PDZD2: variants seen among roughly 807,000 people sequenced by gnomAD.
The protein encoded by PDZD2 is PDZ domain-containing protein 2.
Under a neutral mutation model 220.7 loss-of-function variants are expected in PDZD2, and 90 were observed. The observed-to-expected ratio is 0.41, with a 90% CI of 0.34 to 0.49. PDZD2 has a LOEUF of 0.49. Among genes scored for constraint, PDZD2 ranks in the 20% least tolerant of loss-of-function variants. PDZD2 has a pLI of 0.28. For missense variants in PDZD2, 3,174 were observed against 3,608.5 expected (o/e 0.88, Z 3.08); for synonymous variants, 1,375 against 1,450.5 (o/e 0.95, Z 1.18).
At chr5:31,866,038 G>C (rs1017497238) in intron 2 of PDZD2, among the ~76,000 whole-genome samples, 10 of 148,918 alleles carry the variant, frequency 6.7e-5, no homozygotes, top group Admixed American at 2.0e-4. Context: ...GGGTCTCACT[G>C]TTGCCCAGGC....
intron 2 of PDZD2, among the ~76,000 whole-genome samples, chr5:31,870,203 A>G (rs552720378): frequency 1.2e-4 from 18 of 152,250 alleles, no homozygotes; most frequent in African/African-American, 4.3e-4. Flanking sequence ...GCTGAGGGAA[A>G]AGGGCATTTG....
intron 1 of PDZD2, among the ~76,000 whole-genome samples, chr5:31,771,902 A>G (rs1438996293): frequency 6.6e-6 from 1 of 152,092 alleles, no homozygotes; most frequent in African/African-American, 2.4e-5. Flanking sequence ...AGATTAGATG[A>G]GAGATTTTCA....
At chr5:31,997,104 T>C (rs182133306) in intron 4 of PDZD2, among the ~76,000 whole-genome samples, 1 of 152,176 alleles carries the variant, frequency 6.6e-6, no homozygotes. Context: ...ACGTATGTTG[T>C]ATGCCCACAC....
intron 2 of PDZD2, among the ~76,000 whole-genome samples, chr5:31,907,680 T>G (rs1174981000): frequency 1.3e-5 from 2 of 152,212 alleles, no homozygotes; most frequent in African/African-American, 2.4e-5. Context: ...TCATGCCTTA[T>G]GAAGAAAGTC....
intron 5 of PDZD2, among the ~76,000 whole-genome samples, chr5:32,007,209 C>T (rs891438666): frequency 4.6e-5 from 7 of 151,992 alleles, no homozygotes; most frequent in South Asian, 4.2e-4. Flanking sequence ...TGAGCCACCG[C>T]GCCCGGCCTG....
At chr5:31,901,140 G>A (rs770741475) in intron 2 of PDZD2, among the ~76,000 whole-genome samples, 3 of 152,058 alleles carry the variant, frequency 2.0e-5, no homozygotes, top group Non-Finnish European at 4.4e-5. Context: ...GACTTTGGCC[G>A]GGCATGGTGG....
intron 7 of PDZD2, among the ~76,000 whole-genome samples, chr5:32,037,548 G>C (rs1221538361): frequency 6.6e-6 from 1 of 152,206 alleles, no homozygotes; most frequent in Admixed American, 6.5e-5. Flanking sequence ...TCATAACAAA[G>C]TGGATGTCAA....
intron 2 of PDZD2, among the ~76,000 whole-genome samples, chr5:31,824,600 A>G (rs1756099658): frequency 6.6e-6 from 1 of 151,914 alleles, no homozygotes; most frequent in African/African-American, 2.4e-5. Context: ...GTTCGTGAGT[A>G]TGATGACTGG....
In PDZD2 at chr5:32,091,380, GT is replaced by G. The variant is rs564728478; in HGVS notation, c.7727+207del. ...GCTCACTGCAACCTCTGCCTCCCGG[GT>G]TCAAGCGATTCTCCTGCCTCAGCCT... On this transcript the variant is annotated intron_variant, in intron 20 of 24. Coordinates refer to ENST00000438447, the MANE Select transcript of PDZD2 (RefSeq NM_178140.4). 9.3e-5 allele frequency among the ~76,000 whole-genome samples: 14 copies of G among 151,038 alleles called. No homozygotes were observed. The South Asian group carries it at 2.9e-3, about 32-fold the overall frequency.
At chr5:31,672,427 G>C (rs1250753051) in intron 1 of PDZD2, among the ~76,000 whole-genome samples, 5 of 152,212 alleles carry the variant, frequency 3.3e-5, no homozygotes, top group Admixed American at 3.3e-4. Flanking sequence ...GATTTGGCCA[G>C]TCCCTCTAGT....
chr5:31,684,052 A>C (rs576040371), intron 1 of PDZD2, among the ~76,000 whole-genome samples: 1 of 152,286 alleles, frequency 6.6e-6, no homozygotes, highest in Non-Finnish European at 1.5e-5. Flanking sequence ...CAATTGCCTC[A>C]ACACCAGTTA....
chr5:31,960,166 C>G (rs1458928851), intron 2 of PDZD2, among the ~76,000 whole-genome samples: 2 of 151,258 alleles, frequency 1.3e-5, no homozygotes, highest in Non-Finnish European at 2.9e-5. Context: ...TGCTTGCTTG[C>G]TTTCTTTTCT....
At chr5:32,086,511 T>G (rs1026851879) in intron 19 of PDZD2, among the ~76,000 whole-genome samples, 1 of 152,138 alleles carries the variant, frequency 6.6e-6, no homozygotes, top group Non-Finnish European at 1.5e-5. Context: ...GAGAGAAAAA[T>G]GGGCAGATGT....
chr5:31,709,517 G>A (rs1013766760), intron 1 of PDZD2, among the ~76,000 whole-genome samples: 1 of 151,252 alleles, frequency 6.6e-6, no homozygotes, highest in Non-Finnish European at 1.5e-5. Flanking sequence ...GAGAGAAAAG[G>A]TGAGAGCTAG....
At chr5:32,064,322 A>G (rs1581406444) in intron 14 of PDZD2, among the ~76,000 whole-genome samples, 1 of 150,056 alleles carries the variant, frequency 6.7e-6, no homozygotes, top group African/African-American at 2.5e-5. Flanking sequence ...GCTCACAGCA[A>G]CCTCTGCCTC....
At chr5:31,970,129 A>G (rs1749165588) in intron 2 of PDZD2, among the ~76,000 whole-genome samples, 1 of 151,988 alleles carries the variant, frequency 6.6e-6, no homozygotes, top group African/African-American at 2.4e-5. Context: ...TCCTGACCTC[A>G]GGTGATCCGC....
intron 1 of PDZD2, among the ~76,000 whole-genome samples, chr5:31,767,088 G>A (rs1428749077): frequency 7.0e-6 from 1 of 143,732 alleles, no homozygotes; most frequent in Non-Finnish European, 1.5e-5. Context: ...CTGGAGTGCA[G>A]TGGCGAGATC....
intron 2 of PDZD2, among the ~76,000 whole-genome samples, chr5:31,831,232 C>G (rs1046456743): frequency 1.3e-5 from 2 of 152,118 alleles, no homozygotes; most frequent in African/African-American, 2.4e-5. Flanking sequence ...GCCTGTAATC[C>G]CAGCACTTTG....
rs550311809 is a variant in PDZD2, at chr5:31,822,152, C to T, written c.476+22428C>T. Among the ~76,000 whole-genome samples the T allele has an allele frequency of 2.6e-5, 4 of 152,032 alleles. No individual in the cohort carries two copies. In the South Asian group the frequency reaches 8.3e-4, roughly 32 times the overall value. ...CTATTGTAAATAGTGCTGCAATAAA[C>T]ATATGTGTACATGTGTCTTTATAGT... is the stretch of plus-strand genomic sequence containing the variant. On this transcript the variant is annotated intron_variant, in intron 2 of 24. Coordinates refer to ENST00000438447, the MANE Select transcript of PDZD2 (RefSeq NM_178140.4).
Sources: allele counts gnomAD v4.1 joint callset (sites outside exome capture counted in the v4.1 genomes callset), GRCh38; gene constraint gnomAD v4.1.1; transcripts MANE v1.5; gene names NCBI Gene and HGNC (gene_info 2026-07-23, HGNC 2026-07-21).